Variants in DNAH6 observed in about 807,000 individuals in gnomAD.
DNAH6 encodes axonemal beta dynein heavy chain 6.
Under a neutral mutation model 491.4 loss-of-function variants are expected in DNAH6, and 340 were observed. The observed-to-expected ratio is 0.69, with a 90% CI of 0.63 to 0.76. The LOEUF (loss-of-function observed/expected upper bound fraction) is 0.76, where lower values mean the gene tolerates loss of function less well. DNAH6 is among the 30% of genes least tolerant of loss of function. DNAH6 has a pLI of 0.00. For synonymous variants in DNAH6, 1,603 were observed against 1,686.1 expected (o/e 0.95, Z 1.21); for missense variants, 4,443 against 4,972.2 (o/e 0.89, Z 3.20).
chr2:84,797,740 G>A, intron 70 of DNAH6, 82 bp downstream of exon 70: 1 of 1,112,618 alleles, frequency 9.0e-7, no homozygotes, highest in Admixed American at 2.5e-5. Flanking sequence ...CACTCACTCT[G>A]GAAATTATAA....
At chr2:84,677,240 A>G in intron 41 of DNAH6, 104 bp downstream of exon 41, 1 of 1,435,898 alleles carries the variant, frequency 7.0e-7, no homozygotes, top group Non-Finnish European at 9.5e-7. Flanking sequence ...GAGTCCATCT[A>G]TCCGTCTCTT....
chr2:84,806,618 C>CAAAAAA (rs1162301447), intron 71 of DNAH6, among the ~76,000 whole-genome samples: 1 of 38,494 alleles, frequency 2.6e-5, no homozygotes, highest in Admixed American at 2.8e-4. Context: ...GACTCAGTCT[C>CAAAAAA]AAAAAAAAAA....
chr2:84,819,154 TA>T, intron 76 of DNAH6, 150 bp from the exon 77 acceptor site: 2 of 545,234 alleles, frequency 3.7e-6, no homozygotes, highest in Non-Finnish European at 3.3e-6. Context: ...TTATAGAGCA[TA>T]AAACAGACCC....
chr2:84,465,297 C>T, the DNAH6 span, among the ~76,000 whole-genome samples: 1 of 152,124 alleles, frequency 6.6e-6, no homozygotes, highest in Non-Finnish European at 1.5e-5. Context: ...AGATCGAGAC[C>T]ATCCTGGCTA....
the DNAH6 span, among the ~76,000 whole-genome samples, chr2:84,471,265 CT>C: frequency 6.6e-6 from 1 of 152,238 alleles, no homozygotes; most frequent in Non-Finnish European, 1.5e-5. Flanking sequence ...AATGTGGCCT[CT>C]TTTAACTGAG....
At position 84,709,539 on chromosome 2, in the gene DNAH6, A is replaced by G; in HGVS notation, c.9245A>G (p.Gln3082Arg). ...GRRWPLMIDP[Q>R]DQANRWIRNK... ...AGATGGCCTTTGATGATTGATCCCC[A>G]AGATCAGGTGTGTAGCAAATGCTTA... Residue 3082 changes from glutamine (Q) to arginine (R), a missense_variant, in exon 55 of 77, where the codon CAA becomes CGA. Coordinates refer to ENST00000389394, the MANE Select transcript of DNAH6 (RefSeq NM_001370.2). The G allele has an allele frequency of 6.4e-7, 1 of 1,551,606 alleles. No individual in the cohort carries two copies. The highest frequency in any genetic ancestry group is 8.7e-7 in the Non-Finnish European group (1 of 1,147,002).
intron 62 of DNAH6, among the ~76,000 whole-genome samples, chr2:84,743,116 T>C (rs1353568121): frequency 6.6e-6 from 1 of 152,098 alleles, no homozygotes; most frequent in Admixed American, 6.5e-5. Flanking sequence ...GATGGACAGT[T>C]AGGGACAGAC....
the DNAH6 span, among the ~76,000 whole-genome samples, chr2:84,472,455 C>T: frequency 6.6e-6 from 1 of 151,866 alleles, no homozygotes; most frequent in East Asian, 1.9e-4. Flanking sequence ...ACATGTGGCC[C>T]AGATAAAATG....
chr2:84,505,410 ATACT>A, the DNAH6 span, among the ~76,000 whole-genome samples: 1 of 152,190 alleles, frequency 6.6e-6, no homozygotes, highest in Admixed American at 6.5e-5. Context: ...AAGATCAGAC[ATACT>A]TACTTTATTT....
intron 64 of DNAH6, among the ~76,000 whole-genome samples, chr2:84,773,400 C>T (rs1675823925): frequency 6.6e-6 from 1 of 152,022 alleles, no homozygotes; most frequent in African/African-American, 2.4e-5. Context: ...TGATTATATT[C>T]CTTTATGTGG....
In DNAH6 at chr2:84,681,687, C is replaced by T. The variant is rs4832107; in HGVS notation, c.6916+159C>T. 0.65 allele frequency among the ~76,000 whole-genome samples: 97,944 copies of T among 151,394 alleles called. 34,276 individuals are homozygous for T. Among genetic ancestry groups the T allele is most frequent in the East Asian group, 0.89 (4,596 of 5,158 alleles). ...GGCTGAGTGCTTCACAACTATTTCA[C>T]ATGGCCAACACTGCCTCCCATTTCT... On this transcript the variant is annotated intron_variant, in intron 42 of 76. Coordinates refer to ENST00000389394, the MANE Select transcript of DNAH6 (RefSeq NM_001370.2).
intron 12 of DNAH6, 132 bp from the exon 13 acceptor site, chr2:84,577,125 T>C (rs1682521852): frequency 2.0e-6 from 1 of 503,448 alleles, no homozygotes; most frequent in Non-Finnish European, 3.2e-6. Context: ...CATGAGATAC[T>C]CTAAGTACAG....
chr2:84,581,535 A>G (rs181366111), intron 14 of DNAH6, among the ~76,000 whole-genome samples: 49 of 152,306 alleles, frequency 3.2e-4, no homozygotes, highest in Admixed American at 3.1e-3. Context: ...ATTCCTGCCT[A>G]TGGGTTACAG....
chr2:84,792,074 G>A (rs904501840), intron 68 of DNAH6, among the ~76,000 whole-genome samples: 1 of 152,154 alleles, frequency 6.6e-6, no homozygotes, highest in African/African-American at 2.4e-5. Flanking sequence ...TACCATTTGT[G>A]ACAACATGGA....
chr2:84,553,362 TTCTTTTCTTTCTTTCTTTCTTTCTTTC>T (rs1363083601), intron 10 of DNAH6, among the ~76,000 whole-genome samples: 8 of 17,372 alleles, frequency 4.6e-4, no homozygotes, highest in South Asian at 1.7e-3. Flanking sequence ...TTCTTTTCTT[TTCTTTTCTTTCTTTCTTTCTTTCTTTC>T]TTTCTTTCTT....
At chr2:84,580,438 C>A (rs1211794421) in intron 14 of DNAH6, among the ~76,000 whole-genome samples, 1 of 152,048 alleles carries the variant, frequency 6.6e-6, no homozygotes, top group Non-Finnish European at 1.5e-5. Context: ...TAGCATTTGG[C>A]TCCAATAGTT....
intron 11 of DNAH6, among the ~76,000 whole-genome samples, chr2:84,567,205 A>G (rs1175974604): frequency 1.3e-5 from 2 of 152,158 alleles, no homozygotes; most frequent in Non-Finnish European, 2.9e-5. Context: ...TACATATTAT[A>G]GCTGAGGGCT....
chr2:84,805,853 A>G, intron 71 of DNAH6, 59 bp downstream of exon 71: 1 of 1,462,042 alleles, frequency 6.8e-7, no homozygotes, highest in Non-Finnish European at 9.2e-7. Flanking sequence ...AACTCAGAGA[A>G]CTGAGTGATA....
intron 33 of DNAH6, among the ~76,000 whole-genome samples, chr2:84,645,650 G>T (rs987899050): frequency 2.0e-5 from 3 of 152,088 alleles, no homozygotes; most frequent in Non-Finnish European, 2.9e-5. Flanking sequence ...ATAGATGCTG[G>T]ATATTAGACC....
Sources: gnomAD v4.1 joint callset for allele counts (sites outside exome capture counted in the v4.1 genomes callset) on GRCh38, gnomAD v4.1.1 for gene constraint, MANE v1.5 for transcripts, NCBI Gene and HGNC (gene_info 2026-07-23, HGNC 2026-07-21) for gene names.